The following TBC1D1 variants were observed in gnomAD, a reference collection of about 807,000 sequenced individuals.
TBC1D1 encodes TBC1 (tre-2/USP6, BUB2, cdc16) domain family, member 1.
A neutral mutation model predicts 125.6 loss-of-function variants in TBC1D1; 89 were observed. That is an observed-to-expected ratio of 0.71 (90% CI 0.60 to 0.85). TBC1D1 has a LOEUF of 0.85. TBC1D1 is among the 40% of genes least tolerant of loss of function. The probability of loss-of-function intolerance (pLI) is 0.00; values close to 1 mark genes in which losing one functional copy is unlikely to be tolerated. For missense variants in TBC1D1, 1,377 were observed against 1,469.2 expected (o/e 0.94, Z 1.03); for synonymous variants, 565 against 564.1 (o/e 1.00, Z -0.02).
intron 17 of TBC1D1, among the ~76,000 whole-genome samples, chr4:38,121,554 C>A (rs1350629664): frequency 6.6e-6 from 1 of 152,150 alleles, no homozygotes; most frequent in Non-Finnish European, 1.5e-5. Flanking sequence ...GGAGAAAAGT[C>A]CCACTGAAAG....
At chr4:37,904,194 A>T (rs1020560543) in intron 2 of TBC1D1, among the ~76,000 whole-genome samples, 6 of 152,150 alleles carry the variant, frequency 3.9e-5, no homozygotes, top group African/African-American at 1.4e-4. Context: ...TTATAGCCAT[A>T]AAAACATTTT....
chr4:37,956,665 A>G (rs1229016273), intron 2 of TBC1D1, among the ~76,000 whole-genome samples: 1 of 152,120 alleles, frequency 6.6e-6, no homozygotes, highest in Non-Finnish European at 1.5e-5. Flanking sequence ...AGTGGAGTGT[A>G]GCCGGGCACA....
At chr4:38,091,148 G>A (rs558426094) in intron 13 of TBC1D1, among the ~76,000 whole-genome samples, 2 of 152,158 alleles carry the variant, frequency 1.3e-5, no homozygotes, top group African/African-American at 2.4e-5. Flanking sequence ...TGAAAAGTAC[G>A]AATTCATAGA....
chr4:37,919,593 G>A (rs1275689703), intron 2 of TBC1D1, among the ~76,000 whole-genome samples: 1 of 152,096 alleles, frequency 6.6e-6, no homozygotes, highest in Non-Finnish European at 1.5e-5. Context: ...AAAAAAAAGA[G>A]AAATACATAT....
chr4:38,132,276 G>A (rs1325748988), intron 18 of TBC1D1, among the ~76,000 whole-genome samples: 1 of 152,034 alleles, frequency 6.6e-6, no homozygotes, highest in African/African-American at 2.4e-5. Flanking sequence ...TGTGCTGAGA[G>A]GCCCCAGCCC....
At position 37,902,021 on chromosome 4, in the gene TBC1D1, T is replaced by G. The variant is rs2152226208; in HGVS notation, c.-75T>G. 6.9e-7 allele frequency: 1 copy of G among 1,448,956 alleles called. No homozygotes were observed. Among genetic ancestry groups the G allele is most frequent in the Non-Finnish European group, 9.3e-7 (1 of 1,072,028 alleles). The allele number at this position is 1,448,956 out of a possible 1,614,324, so 89.8% of individuals were successfully genotyped here. A position where few individuals can be genotyped will look rare whatever the true frequency, so the allele number is the denominator to read the frequency against. ...CCCCCAGGTTTCTGCATATGAAGTG[T>G]GTAAAATAGATTGCTTGATCCAAAA... On this transcript the variant is annotated 5_prime_UTR_variant, in exon 2 of 20. Coordinates refer to ENST00000261439, the MANE Select transcript of TBC1D1 (RefSeq NM_015173.4).
chr4:38,098,670 A>C (rs1255259749), intron 14 of TBC1D1, among the ~76,000 whole-genome samples: 1 of 152,164 alleles, frequency 6.6e-6, no homozygotes, highest in African/African-American at 2.4e-5. Flanking sequence ...AGATTTAACA[A>C]CTCCAAACAA....
intron 12 of TBC1D1, among the ~76,000 whole-genome samples, chr4:38,088,994 A>G (rs1757999610): frequency 6.6e-6 from 1 of 152,102 alleles, no homozygotes; most frequent in Non-Finnish European, 1.5e-5. Context: ...ATGCATATAA[A>G]CCCCCAAAAG....
intron 8 of TBC1D1, 101 bp from the exon 9 acceptor site, chr4:38,044,261 A>G (rs1012522505): frequency 1.5e-6 from 2 of 1,320,216 alleles, no homozygotes; most frequent in Non-Finnish European, 1.0e-6. Flanking sequence ...CAGGATCAGA[A>G]TGATGGCCTG....
chr4:37,922,658 T>G (rs1721256433), intron 2 of TBC1D1, among the ~76,000 whole-genome samples: 1 of 152,254 alleles, frequency 6.6e-6, no homozygotes, highest in Admixed American at 6.5e-5. Flanking sequence ...CTTCCTACAC[T>G]TTGAATTTTG....
chr4:37,904,893 C>T (rs1393156648), intron 2 of TBC1D1, among the ~76,000 whole-genome samples: 1 of 152,242 alleles, frequency 6.6e-6, no homozygotes, highest in African/African-American at 2.4e-5. Context: ...CACTGTATCT[C>T]ATAGCGAAGG....
At chr4:38,095,858 C>A (rs192194574) in intron 13 of TBC1D1, 71 bp from the exon 16 acceptor site, 1 of 1,463,860 alleles carries the variant, frequency 6.8e-7, no homozygotes, top group Non-Finnish European at 9.2e-7. Flanking sequence ...AACAAGTAGG[C>A]AGCCATGTTG....
At chr4:38,043,123 A>G (rs150562257) in intron 8 of TBC1D1, among the ~76,000 whole-genome samples, 2,013 of 151,684 alleles carry the variant, frequency 0.013, 23 homozygotes, top group South Asian at 0.053. Flanking sequence ...GCTGATCTCA[A>G]ACTCCCGACC....
intron 2 of TBC1D1, among the ~76,000 whole-genome samples, chr4:37,994,475 A>T (rs1464596241): frequency 1.3e-5 from 2 of 151,982 alleles, no homozygotes; most frequent in East Asian, 3.9e-4. Flanking sequence ...GAACTCCTGG[A>T]TTCAAGCACC....
intron 12 of TBC1D1, 124 bp downstream of exon 14, chr4:38,054,462 C>G (rs934122735): frequency 1.6e-6 from 2 of 1,257,922 alleles, no homozygotes; most frequent in African/African-American, 3.0e-5. Context: ...CTGAGGCAAT[C>G]ACAAAGGTAA....
At chr4:38,084,353 G>A (rs1560758211) in intron 12 of TBC1D1, among the ~76,000 whole-genome samples, 1 of 152,234 alleles carries the variant, frequency 6.6e-6, no homozygotes, top group African/African-American at 2.4e-5. Context: ...AGAAGTCATG[G>A]CAGGGTTGAG....
chr4:38,114,055 A>ACACACACACACT (rs2062348316), intron 15 of TBC1D1, among the ~76,000 whole-genome samples: 1 of 146,752 alleles, frequency 6.8e-6, no homozygotes, highest in East Asian at 1.9e-4. Flanking sequence ...ACACACACAC[A>ACACACACACACT]CACACACACC....
At chr4:38,009,453 T>A (rs1219680466) in intron 2 of TBC1D1, among the ~76,000 whole-genome samples, 1 of 152,234 alleles carries the variant, frequency 6.6e-6, no homozygotes, top group Non-Finnish European at 1.5e-5. Context: ...GTAAAATGAC[T>A]TTTTATTCTA....
intron 2 of TBC1D1, among the ~76,000 whole-genome samples, chr4:37,980,505 G>A (rs1000036706): frequency 2.6e-5 from 4 of 152,206 alleles, no homozygotes; most frequent in African/African-American, 9.6e-5. Flanking sequence ...GACTGCAGCA[G>A]AACTGCCAAG....
Sources: gnomAD v4.1 joint callset for allele counts (sites outside exome capture counted in the v4.1 genomes callset) on GRCh38, gnomAD v4.1.1 for gene constraint, MANE v1.5 for transcripts, NCBI Gene and HGNC (gene_info 2026-07-23, HGNC 2026-07-21) for gene names.